Variants in SULT4A1 observed in about 807,000 individuals in gnomAD.
SULT4A1 encodes the protein sulfotransferase 4A1.
Under a neutral mutation model 35.2 loss-of-function variants are expected in SULT4A1, and 11 were observed. The observed-to-expected ratio is 0.31, with a 90% CI of 0.20 to 0.52. SULT4A1 has a LOEUF of 0.52. Ranked by LOEUF, SULT4A1 falls within the 20% of genes least tolerant of loss-of-function variation. The probability of loss-of-function intolerance (pLI) is 0.97; values close to 1 mark genes in which losing one functional copy is unlikely to be tolerated. For missense variants in SULT4A1, 271 were observed against 383.7 expected (o/e 0.71, Z 2.45); for synonymous variants, 152 against 151.8 (o/e 1.00, Z -0.01).
chr22:43,861,709 C>T (rs1259226277), intron 1 of SULT4A1, among the ~76,000 whole-genome samples: 1 of 152,236 alleles, frequency 6.6e-6, no homozygotes, highest in African/African-American at 2.4e-5. Context: ...CTGGTCCCAT[C>T]CCCCACCCGG....
At position 43,824,554 on chromosome 22, in the gene SULT4A1, T is replaced by A. The variant is rs757437433; in HGVS notation, c.*1447A>T. 2 of 151,948 alleles carry A rather than the reference T, an allele frequency of 1.3e-5. No individual in the cohort carries two copies. The highest frequency in any genetic ancestry group is 2.4e-5 in the African/African-American group (1 of 41,346). The allele number at this position is 151,948 out of a possible 1,614,324, so 9.4% of individuals were successfully genotyped here. On this transcript the variant is annotated 3_prime_UTR_variant, in exon 7 of 7. Coordinates refer to ENST00000330884, the MANE Select transcript of SULT4A1 (RefSeq NM_014351.4). ...AAAGATGCAAGCAAGCACAGAAGGA[T>A]CATGTGTAGTGCTCAGTAACATCCA...
chr22:43,836,003 C>T (rs1334064393), intron 4 of SULT4A1, among the ~76,000 whole-genome samples: 1 of 152,230 alleles, frequency 6.6e-6, no homozygotes, highest in Non-Finnish European at 1.5e-5. Context: ...CTGGGCTCCA[C>T]GCTGCTCTGT....
Position 43,862,427 on chromosome 22 carries a change from CCGCACGCGCCCGCGCCCG to C in SULT4A1, c.-63_-46del, listed in dbSNP as rs1176288054. The C allele has an allele frequency of 2.7e-5, 25 of 934,182 alleles. No homozygotes were observed. Among genetic ancestry groups the C allele is most frequent in the Admixed American group, 1.0e-4 (1 of 9,982 alleles). 57.9% of individuals were successfully genotyped at this position (934,182 alleles called of 1,614,324 possible). ...CCGCCGCCGCCTCCCGGCTCGCAGC[CCGCACGCGCCCGCGCCCG>C]CGCCCGCGCCCGCGCCCCGCACACG... On this transcript the variant is annotated 5_prime_UTR_variant, in exon 1 of 7. Transcript: ENST00000330884.
In SULT4A1 at chr22:43,833,679, G is replaced by C; in HGVS notation, c.564C>G (p.Asp188Glu). The stretch of plus-strand genomic sequence containing the variant: ...CATACTTGAGAAAAAGCACGTTCGA[G>C]TCCATGCGGTGCTCCCAGAACTCCT... ...HVQEFWEHRM[D>E]SNVLFLKYED... is the part of the protein sequence containing the mutation. The change falls in exon 5 of 7, where the codon GAC becomes GAG. Residue 188 changes from aspartate (D) to glutamate (E), a missense_variant. Asp to Glu is a conservative substitution (Grantham distance 45). Around this residue, in one of 3 missense-constraint regions of SULT4A1, gnomAD observed 75 missense variants for 67.7 expected, o/e 1.11. Transcript: ENST00000330884. The C allele has an allele frequency of 6.3e-7, 1 of 1,593,592 alleles. No homozygotes were observed. The highest frequency in any genetic ancestry group is 8.5e-7 in the Non-Finnish European group (1 of 1,169,840).
At position 43,838,870 on chromosome 22, in the gene SULT4A1, TATC is replaced by T; in HGVS notation, c.502_504del (p.Asp168del). On this transcript the variant is annotated inframe_deletion, in exon 4 of 7. Transcript: ENST00000330884. ...GCCGCCAGGCTGCAACACTCACGCT[TATC>T]ATTCATAAACCTCCGGCAGAATTCT... The T allele has an allele frequency of 6.2e-7, 1 of 1,614,042 alleles. No individual in the cohort carries two copies. The highest frequency in any genetic ancestry group is 1.3e-5 in the African/African-American group (1 of 75,064).
rs111285051 is a variant in SULT4A1 at position 43,846,807 on chromosome 22, G to C, written c.170-4875C>G. 9.8e-3 allele frequency among the ~76,000 whole-genome samples: 1,486 copies of C among 152,310 alleles called. 36 individuals carry two copies. The highest frequency in any genetic ancestry group is 0.034 in the African/African-American group (1,424 of 41,572). ...CAGCTCAGGACAGCTGCAGTGAGGG[G>C]GTCTTTGTCCTTAGAAATCAGACTG... On this transcript the variant is annotated intron_variant, in intron 1 of 6. Coordinates refer to ENST00000330884, the MANE Select transcript of SULT4A1 (RefSeq NM_014351.4).
At chr22:43,845,463 G>A (rs1475537405) in intron 1 of SULT4A1, among the ~76,000 whole-genome samples, 1 of 152,186 alleles carries the variant, frequency 6.6e-6, no homozygotes, top group Admixed American at 6.5e-5. Context: ...TGGCCTCACT[G>A]TGGCTCACCC....
chr22:43,839,889 C>G (rs958261909), intron 3 of SULT4A1, 56 bp downstream of exon 3: 10 of 1,523,344 alleles, frequency 6.6e-6, no homozygotes, highest in Non-Finnish European at 8.1e-6. Flanking sequence ...GCACAGGGAC[C>G]TTGGGCTCCT....
At chr22:43,857,101 C>CT (rs1271490294) in intron 1 of SULT4A1, among the ~76,000 whole-genome samples, 1 of 152,024 alleles carries the variant, frequency 6.6e-6, no homozygotes, top group Non-Finnish European at 1.5e-5. Context: ...AATGGAAACT[C>CT]TAAGTGGAAA....
chr22:43,826,432 C>T, intron 6 of SULT4A1: 2 of 985,342 alleles, frequency 2.0e-6, no homozygotes, highest in Non-Finnish European at 2.4e-6. Context: ...CTGTTCAGTG[C>T]TGGGTCCCCA....
At chr22:43,829,681 G>C (rs1158397482) in intron 5 of SULT4A1, among the ~76,000 whole-genome samples, 2 of 152,190 alleles carry the variant, frequency 1.3e-5, no homozygotes, top group Admixed American at 1.3e-4. Context: ...CGTCATGCCT[G>C]CCATACCCTG....
chr22:43,829,745 C>T (rs1413700716), intron 5 of SULT4A1, among the ~76,000 whole-genome samples: 1 of 152,212 alleles, frequency 6.6e-6, no homozygotes, highest in African/African-American at 2.4e-5. Context: ...GGCTAACCGT[C>T]TTGAGGGGGC....
chr22:43,827,639 T>C lies in SULT4A1; in HGVS notation c.742+1421A>G, dbSNP rs374628999. On this transcript the variant is annotated intron_variant, in intron 6 of 6. Transcript: ENST00000330884. ...AGATCTTCCGAGCAAAGACGCAATG[T>C]GCTAAAAGAAAACAAATCAAAGAAC... 14 of 1,366,196 alleles carry C rather than the reference T, an allele frequency of 1.0e-5. No homozygotes were observed. In the African/African-American group the frequency reaches 1.8e-4, roughly 17 times the overall value. 84.6% of individuals were successfully genotyped at this position (1,366,196 alleles called of 1,614,324 possible). A position where few individuals can be genotyped will look rare whatever the true frequency, so the allele number is the denominator to read the frequency against.
chr22:43,835,771 T>A (rs1222768846), intron 4 of SULT4A1, among the ~76,000 whole-genome samples: 5 of 152,098 alleles, frequency 3.3e-5, no homozygotes, highest in African/African-American at 7.2e-5. Context: ...AAAACAGACA[T>A]CCCGGTGACA....
intron 1 of SULT4A1, 144 bp from the exon 2 acceptor site, chr22:43,842,076 G>T: frequency 7.7e-7 from 1 of 1,304,396 alleles, no homozygotes; most frequent in Non-Finnish European, 1.0e-6. Flanking sequence ...AGAGGAGCGC[G>T]CCCCGCACGG....
At chr22:43,836,528 T>G (rs2063377252) in intron 4 of SULT4A1, among the ~76,000 whole-genome samples, 1 of 132,150 alleles carries the variant, frequency 7.6e-6, no homozygotes, top group African/African-American at 2.9e-5. Flanking sequence ...CACAGCGTCC[T>G]CACACTGCAG....
chr22:43,829,851 T>C (rs1004535102), intron 5 of SULT4A1, among the ~76,000 whole-genome samples: 1 of 152,186 alleles, frequency 6.6e-6, no homozygotes, highest in African/African-American at 2.4e-5. Flanking sequence ...AGAGGTGCCT[T>C]GGTCCCATTA....
chr22:43,829,990 A>C (rs1471361211), intron 5 of SULT4A1, among the ~76,000 whole-genome samples: 1 of 152,250 alleles, frequency 6.6e-6, no homozygotes, highest in Non-Finnish European at 1.5e-5. Flanking sequence ...AAACCTTAAA[A>C]GACAATGTTC....
intron 1 of SULT4A1, among the ~76,000 whole-genome samples, chr22:43,855,748 G>T (rs1290551818): frequency 6.6e-6 from 1 of 152,018 alleles, no homozygotes; most frequent in East Asian, 1.9e-4. Context: ...GATCAGGAGG[G>T]ACCACTAGGG....
Sources: gnomAD v4.1 joint callset for allele counts (sites outside exome capture counted in the v4.1 genomes callset) on GRCh38, gnomAD v4.1.1 for gene constraint, gnomAD v4.1.1 regional missense constraint, MANE v1.5 for transcripts, NCBI Gene and HGNC (gene_info 2026-07-23, HGNC 2026-07-21) for gene names.